Variants in RFNG observed in about 807,000 individuals in gnomAD.
RFNG encodes RFNG O-fucosylpeptide 3-beta-N-acetylglucosaminyltransferase, also known as beta-1,3-N-acetylglucosaminyltransferase radical fringe.
A neutral mutation model predicts 29.6 loss-of-function variants in RFNG; 37 were observed. That is an observed-to-expected ratio of 1.25 (90% CI 0.96 to 1.65). The LOEUF (loss-of-function observed/expected upper bound fraction) is 1.65. Among genes scored for constraint, RFNG ranks in the 40% most tolerant of loss-of-function variants. The pLI, the probability that RFNG is intolerant of heterozygous loss-of-function variation, is 0.00. For missense variants in RFNG, 546 were observed against 457.0 expected, an observed-to-expected ratio of 1.19 and a Z score of -1.78; for synonymous variants, 276 against 197.3, an observed-to-expected ratio of 1.40 and a Z score of -3.34.
At chr17:82,049,141 G>C in intron 6 of RFNG, 25 bp from the exon 7 acceptor site, 3 of 1,599,420 alleles carry the variant, frequency 1.9e-6, no homozygotes, top group Non-Finnish European at 2.6e-6. Context: ...TGTGGGCAGA[G>C]TGTGTGGCCT....
chr17:82,051,501 T>C lies in RFNG; in HGVS notation c.266A>G (p.Gln89Arg). The C allele has an allele frequency of 7.3e-7, 1 of 1,378,802 alleles. No individual in the cohort carries two copies. The highest frequency in any genetic ancestry group is 9.4e-7 in the Non-Finnish European group (1 of 1,063,192). 85.4% of individuals were successfully genotyped at this position (1,378,802 alleles called of 1,614,324 possible). A position where few individuals can be genotyped will look rare whatever the true frequency, so the allele number is the denominator to read the frequency against. ...LRTWISRARQ[Q>R]TFIFTDGDDP... ...CGTCGGGGTCGGGGTCCGGCGCACC[T>C]GCTGGCGGGCCCGGGAGATCCAGGT... The change falls in exon 1 of 8, where the codon CAG (glutamine) becomes CGG (arginine). Residue 89 changes from glutamine (Q) to arginine (R), a missense_variant and splice_region_variant. By Grantham distance (43) the Gln-to-Arg change is conservative. Transcript: ENST00000310496. The surrounding 1 kb of genome is among the most constrained non-coding windows in gnomAD (Gnocchi z 4.1).
Position 82,049,927 on chromosome 17 carries a change from G to A in RFNG, c.653C>T (p.Pro218Leu), listed in dbSNP as rs1044444069. The A allele has an allele frequency of 3.7e-6, 6 of 1,612,150 alleles. No individual in the cohort carries two copies. In the Middle Eastern group the frequency reaches 4.9e-4, roughly 133 times the overall value. The change falls in exon 5 of 8, where the codon CCA becomes CTA. Residue 218 changes from proline to leucine, a missense_variant. Pro to Leu is a moderately conservative substitution (Grantham distance 98). Coordinates refer to ENST00000310496, the MANE Select transcript of RFNG (RefSeq NM_002917.2). ...CTGGACCCCCACTCACCTGGCCCAT[G>A]GGCTCATCTTGAGGGCAAGGCCTCT... ...LSRGLALKMS[P>L]WASLGSFMST...
rs2030657289 is a variant in RFNG, at chr17:82,051,752, A to G, written c.15T>C (p.Arg5=). 1.8e-6 allele frequency: 2 copies of G among 1,085,016 alleles called. No individual in the cohort carries two copies. Among genetic ancestry groups the G allele is most frequent in the Non-Finnish European group, 2.2e-6 (2 of 896,080 alleles). 67.2% of individuals were successfully genotyped at this position (1,085,016 alleles called of 1,614,324 possible). MSRA[R]GALCRACLAL... ...CGAGGCAGGCCCGGCACAGCGCCCC[A>G]CGCGCGCGGCTCATGCGGCCGCCGG... The change falls in exon 1 of 8, where the codon CGT becomes CGC. Residue 5 remains arginine (R), a synonymous_variant. Coordinates refer to ENST00000310496, the MANE Select transcript of RFNG (RefSeq NM_002917.2). The surrounding 1 kb of genome is among the most constrained non-coding windows in gnomAD (Gnocchi z 4.1).
At position 82,050,413 on chromosome 17, in the gene RFNG, C is replaced by A; in HGVS notation, c.562G>T (p.Gly188Cys). ...GCTCCGACACTCACAGTTCTGCCAC[C>A]CTGGACCCTCTCGGTGGCCTCAATG... Reference protein sequence around the residue: ...HPIEATERVQGGRTVTTVKFW... With the variant: ...HPIEATERVQCGRTVTTVKFW... Residue 188 changes from glycine to cysteine, a missense_variant, in exon 4 of 8, where the codon GGT becomes TGT. Transcript: ENST00000310496. 1 of 1,590,166 alleles carries A rather than the reference C, an allele frequency of 6.3e-7. No individual in the cohort carries two copies. Among genetic ancestry groups the A allele is most frequent in the African/African-American group, 1.4e-5 (1 of 73,704 alleles).
chr17:82,050,750 T>A lies in RFNG; in HGVS notation c.331A>T (p.Asn111Tyr). 1 of 1,612,984 alleles carries A rather than the reference T, an allele frequency of 6.2e-7. No individual in the cohort carries two copies. Among genetic ancestry groups the A allele is most frequent in the Non-Finnish European group, 8.5e-7 (1 of 1,179,896 alleles). Residue 111 changes from asparagine (N) to tyrosine (Y), a missense_variant, in exon 3 of 8, where the codon AAC (asparagine) becomes TAC (tyrosine). Transcript: ENST00000310496. ...GTGCGCACCGCCGAGCAGTTGGTGT[T>A]GATGACACGGTCGCCTGCGAATCAG... The part of the protein sequence containing the change: ...LELQGGDRVI[N>Y]TNCSAVRTRQ...
rs745927112 is a variant in RFNG at position 82,050,388 on chromosome 17, G to C, written c.573+14C>G. The C allele has an allele frequency of 5.8e-6, 9 of 1,560,464 alleles. No individual in the cohort carries two copies. The Admixed American group carries it at 1.6e-4, about 28-fold the overall frequency. Reference sequence around the variant, plus strand: ...GAAGGCGTCTGCTCCGATGGCGTCTGCTCCGACACTCACAGTTCTGCCACC... The same window carrying C: ...GAAGGCGTCTGCTCCGATGGCGTCTCCTCCGACACTCACAGTTCTGCCACC... On this transcript the variant is annotated intron_variant, in intron 4 of 7. Coordinates refer to ENST00000310496, the MANE Select transcript of RFNG (RefSeq NM_002917.2).
Position 82,050,437 on chromosome 17 carries a change from T to G in RFNG, c.538A>C (p.Ile180Leu). The G allele has an allele frequency of 6.2e-7, 1 of 1,609,866 alleles. No individual in the cohort carries two copies. Among genetic ancestry groups the G allele is most frequent in the Non-Finnish European group, 8.5e-7 (1 of 1,178,780 alleles). ...CCCTGGACCCTCTCGGTGGCCTCAA[T>G]GGGGTGGTCCAGGCTGGGCCGCCCC... ...YLGRPSLDHPIEATERVQGGR... is the reference protein window; with the variant it reads ...YLGRPSLDHPLEATERVQGGR... The change falls in exon 4 of 8, where the codon ATT becomes CTT. Residue 180 changes from isoleucine (I) to leucine (L), a missense_variant. Physicochemically the swap from Ile to Leu is conservative, Grantham distance 5. Transcript: ENST00000310496.
chr17:82,050,945 G>A (rs2030447697), intron 2 of RFNG, 181 bp from the exon 3 acceptor site: 1 of 1,422,222 alleles, frequency 7.0e-7, no homozygotes, highest in Non-Finnish European at 9.2e-7. Context: ...TGCCACCGAG[G>A]CTGAAGCAGG....
intron 6 of RFNG, chr17:82,049,443 T>C (rs1309469242): frequency 4.2e-6 from 3 of 708,312 alleles, no homozygotes; most frequent in Admixed American, 2.0e-5. Context: ...GGGGCCTCAC[T>C]GGCCCGAGAA....
In RFNG at chr17:82,051,359, C is replaced by T. The variant is rs965565841; in HGVS notation, c.268-17G>A. The stretch of plus-strand genomic sequence containing the variant: ...GATAAACGTCTGGGGGAGAAACAAT[C>T]TATGAGGCTTCTGGGGCGCTGCCCA... On this transcript the variant is annotated splice_polypyrimidine_tract_variant and intron_variant, in intron 1 of 7. Coordinates refer to ENST00000310496, the MANE Select transcript of RFNG (RefSeq NM_002917.2). This position sits in a 1 kb window ranked among gnomAD's most constrained non-coding sequence, Gnocchi z 4.1. 6.8e-7 allele frequency: 1 copy of T among 1,464,956 alleles called. No individual in the cohort carries two copies. Among genetic ancestry groups the T allele is most frequent in the Non-Finnish European group, 8.9e-7 (1 of 1,118,014 alleles). 90.7% of individuals were successfully genotyped at this position (1,464,956 alleles called of 1,614,324 possible).
chr17:82,051,725 C>G lies in RFNG; in HGVS notation c.42G>C (p.Ala14=). 1 of 1,056,774 alleles carries G rather than the reference C, an allele frequency of 9.5e-7. No individual in the cohort carries two copies. The highest frequency in any genetic ancestry group is 4.2e-5 in the South Asian group (1 of 23,578). 65.5% of individuals were successfully genotyped at this position (1,056,774 alleles called of 1,614,324 possible). A position where few individuals can be genotyped will look rare whatever the true frequency, so the allele number is the denominator to read the frequency against. The part of the protein sequence containing the change: ...ARGALCRACL[A]LAAALAALLL... ...GCAGCGCGGCCAGGGCCGCGGCCAG[C>G]GCGAGGCAGGCCCGGCACAGCGCCC... Residue 14 remains alanine, a synonymous_variant, in exon 1 of 8, where the codon GCG becomes GCC. Coordinates refer to ENST00000310496, the MANE Select transcript of RFNG (RefSeq NM_002917.2). The surrounding 1 kb of genome is among the most constrained non-coding windows in gnomAD (Gnocchi z 4.1).
At position 82,051,781 on chromosome 17, in the gene RFNG, C is replaced by T. The variant is rs1352743298; in HGVS notation, c.-15G>A. 9 of 1,114,154 alleles carry T rather than the reference C, an allele frequency of 8.1e-6. No individual in the cohort carries two copies. In the African/African-American group the frequency reaches 1.2e-4, roughly 14 times the overall value. 69.0% of individuals were successfully genotyped at this position (1,114,154 alleles called of 1,614,324 possible). ...GCGCGGCTCATGCGGCCGCCGGGAC[C>T]CCCGGCGCTGCGAGCGGAGAACCTG... is the stretch of plus-strand genomic sequence containing the variant. On this transcript the variant is annotated 5_prime_UTR_variant, in exon 1 of 8. Transcript: ENST00000310496. This position sits in a 1 kb window ranked among gnomAD's most constrained non-coding sequence, Gnocchi z 4.1.
chr17:82,050,079 G>C, intron 4 of RFNG, 73 bp from the exon 5 acceptor site: 1 of 1,318,912 alleles, frequency 7.6e-7, no homozygotes, highest in African/African-American at 1.5e-5. Context: ...GGACTCCCCA[G>C]GCATCTTTCT....
chr17:82,050,460 C>T lies in RFNG; in HGVS notation c.515G>A (p.Gly172Glu). 1 of 1,612,730 alleles carries T rather than the reference C, an allele frequency of 6.2e-7. No individual in the cohort carries two copies. Among genetic ancestry groups the T allele is most frequent in the Non-Finnish European group, 8.5e-7 (1 of 1,179,854 alleles). Reference protein sequence around the residue: ...SFSPSQDVYLGRPSLDHPIEA... With the variant: ...SFSPSQDVYLERPSLDHPIEA... ...AATGGGGTGGTCCAGGCTGGGCCGC[C>T]CCAGGTAGACGTCCTGGCTGGGTGA... Residue 172 changes from glycine to glutamate, a missense_variant, in exon 4 of 8, where the codon GGG (glycine) becomes GAG (glutamate). Transcript: ENST00000310496.
At chr17:82,050,602 C>T (rs766217663) in intron 3 of RFNG, 47 bp from the exon 4 acceptor site, 4 of 1,608,010 alleles carry the variant, frequency 2.5e-6, no homozygotes, top group Admixed American at 3.3e-5. Flanking sequence ...CATGGCTGGA[C>T]AGGAGGCCCC....
At chr17:82,050,174 C>A in intron 4 of RFNG, 168 bp from the exon 5 acceptor site, 3 of 787,074 alleles carry the variant, frequency 3.8e-6, no homozygotes, top group South Asian at 1.8e-5. Flanking sequence ...GCCATTGACC[C>A]GTAGCCTCCA....
Position 82,048,705 on chromosome 17 carries a change from C to T in RFNG, c.*21G>A. On this transcript the variant is annotated 3_prime_UTR_variant, in exon 8 of 8. Coordinates refer to ENST00000310496, the MANE Select transcript of RFNG (RefSeq NM_002917.2). ...CGCGCCTGGGACAGAGCCAGGCAGC[C>T]CTGGGTCGGGGTGGTTGGTGTCACC... 6.2e-7 allele frequency: 1 copy of T among 1,606,044 alleles called. No individual in the cohort carries two copies. The highest frequency in any genetic ancestry group is 8.5e-7 in the Non-Finnish European group (1 of 1,174,944).
rs1352560107 is a variant in RFNG, at chr17:82,051,791, G to A, written c.-25C>T. On this transcript the variant is annotated 5_prime_UTR_variant, in exon 1 of 8. Coordinates refer to ENST00000310496, the MANE Select transcript of RFNG (RefSeq NM_002917.2). The surrounding 1 kb of genome is among the most constrained non-coding windows in gnomAD (Gnocchi z 4.1). ...TGCGGCCGCCGGGACCCCCGGCGCT[G>A]CGAGCGGAGAACCTGGCCGGAGCCG... is the stretch of plus-strand genomic sequence containing the variant. 12 of 1,123,132 alleles carry A rather than the reference G, an allele frequency of 1.1e-5. 1 individual carries two copies. In the Admixed American group the frequency reaches 5.0e-4, roughly 47 times the overall value. The allele number at this position is 1,123,132 out of a possible 1,614,324, so 69.6% of individuals were successfully genotyped here. A position where few individuals can be genotyped will look rare whatever the true frequency, so the allele number is the denominator to read the frequency against.
In RFNG at chr17:82,051,785, G is replaced by T. The variant is rs896399896; in HGVS notation, c.-19C>A. The T allele has an allele frequency of 4.6e-4, 514 of 1,117,102 alleles. No individual in the cohort carries two copies. The highest frequency in any genetic ancestry group is 7.7e-4 in the Middle Eastern group (2 of 2,592). 69.2% of individuals were successfully genotyped at this position (1,117,102 alleles called of 1,614,324 possible). On this transcript the variant is annotated 5_prime_UTR_variant, in exon 1 of 8. Transcript: ENST00000310496. This position sits in a 1 kb window ranked among gnomAD's most constrained non-coding sequence, Gnocchi z 4.1. ...GGCTCATGCGGCCGCCGGGACCCCCGGCGCTGCGAGCGGAGAACCTGGCCG... is the reference window on the plus strand; with the variant it reads ...GGCTCATGCGGCCGCCGGGACCCCCTGCGCTGCGAGCGGAGAACCTGGCCG...
Sources: allele counts gnomAD v4.1 joint callset, GRCh38; gene constraint gnomAD v4.1.1; non-coding constraint Gnocchi (gnomAD v3.1); transcripts MANE v1.5; gene names NCBI Gene and HGNC (gene_info 2026-07-23, HGNC 2026-07-21).